The following VPS16 variants were observed in gnomAD, a reference collection of about 807,000 sequenced individuals.
The protein encoded by VPS16 is vacuolar protein sorting-associated protein 16 homolog.
Under a neutral mutation model 116.0 loss-of-function variants are expected in VPS16, and 82 were observed. The ratio of observed to expected loss-of-function variants is 0.71; its 90% confidence interval spans 0.59 to 0.85. The LOEUF (loss-of-function observed/expected upper bound fraction) is 0.85. Among genes scored for constraint, VPS16 ranks in the 40% least tolerant of loss-of-function variants. The pLI is 0.00. For synonymous variants in VPS16, 406 were observed against 420.7 expected (o/e 0.96, Z 0.43); for missense variants, 928 against 1,090.6 (o/e 0.85, Z 2.10).
intron 1 of VPS16, among the ~76,000 whole-genome samples, chr20:2,857,052 A>G (rs751290416): frequency 5.8e-4 from 88 of 150,716 alleles, no homozygotes; most frequent in Admixed American, 1.7e-3. Context: ...ATTTTGGCTC[A>G]CTGCAACCCC....
At position 2,866,457 on chromosome 20, in the gene VPS16, C is replaced by G; in HGVS notation, c.2403C>G (p.Ala801=). Residue 801 remains alanine (A), a synonymous_variant, in exon 24 of 24, where the codon GCC becomes GCG. Coordinates refer to ENST00000380445, the MANE Select transcript of VPS16 (RefSeq NM_022575.4). ...ATGTGGCTCAGGCTGCAGATGTGGC[C>G]ATCGAACACCGGAATGAGGCTGAGC... ...VGDVAQAADV[A]IEHRNEAELS... 6.2e-7 allele frequency: 1 copy of G among 1,614,186 alleles called. No individual in the cohort carries two copies.
chr20:2,842,634 C>A (rs1240428272), intron 1 of VPS16, among the ~76,000 whole-genome samples: 3 of 108,520 alleles, frequency 2.8e-5, no homozygotes, highest in African/African-American at 7.0e-5. Context: ...CTATATCTAT[C>A]TATAGATAGA....
Position 2,866,732 on chromosome 20 carries a change from A to G in VPS16, c.*158A>G, listed in dbSNP as rs1399366537. On this transcript the variant is annotated 3_prime_UTR_variant, in exon 24 of 24. Coordinates refer to ENST00000380445, the MANE Select transcript of VPS16 (RefSeq NM_022575.4). ...GTTTTAAATAAAGTTGGAACACTTC[A>G]CAGTGCTTGTCTTACACAGTCCAGC... is the stretch of plus-strand genomic sequence containing the variant. The G allele has an allele frequency of 9.8e-6, 11 of 1,118,630 alleles. No individual in the cohort carries two copies. Among genetic ancestry groups the G allele is most frequent in the Non-Finnish European group, 1.3e-5 (10 of 794,494 alleles). The allele number at this position is 1,118,630 out of a possible 1,614,324, so 69.3% of individuals were successfully genotyped here.
At chr20:2,853,369 A>G (rs1456042440) in intron 1 of VPS16, among the ~76,000 whole-genome samples, 1 of 150,566 alleles carries the variant, frequency 6.6e-6, no homozygotes, top group Non-Finnish European at 1.5e-5. Flanking sequence ...AGCCTGGGTG[A>G]CAGAGCAAGA....
In VPS16 at chr20:2,864,202, A is replaced by AG; in HGVS notation, c.1639dup (p.Glu547GlyfsTer26). The AG allele has an allele frequency of 6.2e-7, 1 of 1,614,170 alleles. No homozygotes were observed. The highest frequency in any genetic ancestry group is 8.5e-7 in the Non-Finnish European group (1 of 1,180,016). ...AGCTGCTGGAGTATGAGCCACGCTC[A>AG]GGGGAGCAGGTACCCCTTCTCCTAA... is the stretch of plus-strand genomic sequence containing the variant. On this transcript the variant is annotated frameshift_variant, in exon 17 of 24. Coordinates refer to ENST00000380445, the MANE Select transcript of VPS16 (RefSeq NM_022575.4). LOFTEE classifies it high-confidence loss of function. The surrounding 1 kb of genome is among the most constrained non-coding windows in gnomAD (Gnocchi z 5.2).
chr20:2,859,353 A>C (rs996413368), intron 1 of VPS16, among the ~76,000 whole-genome samples: 1 of 152,200 alleles, frequency 6.6e-6, no homozygotes, highest in Non-Finnish European at 1.5e-5. Flanking sequence ...TGAGAGTCTC[A>C]TTTCCTGCTA....
At position 2,860,687 on chromosome 20, in the gene VPS16, C is replaced by A; in HGVS notation, c.515-61C>A. On this transcript the variant is annotated intron_variant, in intron 5 of 23. Transcript: ENST00000380445. The surrounding 1 kb of genome is among the most constrained non-coding windows in gnomAD (Gnocchi z 6.1). ...AAAAACAGAAGCTGTGGCTAGAGAC[C>A]CATAGAAACAGAAACGGTGGGCCTT... is the stretch of plus-strand genomic sequence containing the variant. 4.3e-6 allele frequency: 7 copies of A among 1,611,302 alleles called. No individual in the cohort carries two copies. Among genetic ancestry groups the A allele is most frequent in the Non-Finnish European group, 5.9e-6 (7 of 1,178,752 alleles).
intron 1 of VPS16, among the ~76,000 whole-genome samples, chr20:2,856,954 A>G (rs570011419): frequency 2.7e-5 from 4 of 148,138 alleles, no homozygotes; most frequent in African/African-American, 1.0e-4. Context: ...TTTCCCCTAT[A>G]TGAACTTTTT....
rs137939847 is a variant in VPS16, at chr20:2,861,457, G to A, written c.810-158G>A. 3.2e-3 allele frequency among the ~76,000 whole-genome samples: 490 copies of A among 152,318 alleles called. 4 individuals are homozygous for A. The highest frequency in any genetic ancestry group is 0.011 in the African/African-American group (464 of 41,570). On this transcript the variant is annotated intron_variant, in intron 8 of 23. Transcript: ENST00000380445. The stretch of plus-strand genomic sequence containing the variant: ...GTCCTCTGTGGGCCACAGCTGCCTT[G>A]AGCTGAGAGCTCAGGGATAAGAGGG...
At position 2,859,776 on chromosome 20, in the gene VPS16, G is replaced by A. The variant is rs770973351; in HGVS notation, c.111G>A (p.Leu37=). 6.2e-7 allele frequency: 1 copy of A among 1,613,262 alleles called. No individual in the cohort carries two copies. Among genetic ancestry groups the A allele is most frequent in the South Asian group, 1.1e-5 (1 of 90,984 alleles). Residue 37 remains leucine, a synonymous_variant, in exon 2 of 24, where the codon CTG becomes CTA. Coordinates refer to ENST00000380445, the MANE Select transcript of VPS16 (RefSeq NM_022575.4). ...TGAAGGAGGAACTCAGGGATTGCCT[G>A]GTGGCTGCTGCACCCTATGGGGGCC... ...WDLKEELRDC[L]VAAAPYGGPI... is the part of the protein sequence containing the mutation.
At chr20:2,842,674 A>G (rs982255212) in intron 1 of VPS16, among the ~76,000 whole-genome samples, 1 of 139,086 alleles carries the variant, frequency 7.2e-6, no homozygotes, top group Non-Finnish European at 1.5e-5. Context: ...AGATGTATCT[A>G]TATATATATA....
chr20:2,853,285 A>C (rs907501877), intron 1 of VPS16, among the ~76,000 whole-genome samples: 1 of 152,080 alleles, frequency 6.6e-6, no homozygotes, highest in Admixed American at 6.6e-5. Flanking sequence ...CAGCTACAGG[A>C]AGCCTAGGCA....
rs375514759 is a variant in VPS16, at chr20:2,860,892, A to T, written c.630+29A>T. 23 of 1,613,896 alleles carry T rather than the reference A, an allele frequency of 1.4e-5. No individual in the cohort carries two copies. The highest frequency in any genetic ancestry group is 1.9e-5 in the Non-Finnish European group (23 of 1,180,040). On this transcript the variant is annotated intron_variant, in intron 6 of 23. Transcript: ENST00000380445. The surrounding 1 kb of genome is among the most constrained non-coding windows in gnomAD (Gnocchi z 6.1). Reference sequence around the variant, plus strand: ...AGGGCCCTGAGTGGGAATGAAGTGGACGGGCTGGGTTAGGCAATAGGGAGG... The same window carrying T: ...AGGGCCCTGAGTGGGAATGAAGTGGTCGGGCTGGGTTAGGCAATAGGGAGG...
Position 2,862,580 on chromosome 20 carries a change from A to G in VPS16, c.1073A>G (p.Lys358Arg). Residue 358 changes from lysine (K) to arginine (R), a missense_variant and splice_region_variant, in exon 12 of 24, where the codon AAA (lysine) becomes AGA (arginine). Transcript: ENST00000380445. ...TGGCTCTGGACTGCTCCCCACCAGAAAGAGAGCCAGAAGGCGGACGAGTAC... is the reference window on the plus strand; with the variant it reads ...TGGCTCTGGACTGCTCCCCACCAGAGAGAGAGCCAGAAGGCGGACGAGTAC... ...LLLEAQKEYE[K>R]ESQKADEYLR... 4 of 1,613,052 alleles carry G rather than the reference A, an allele frequency of 2.5e-6. No individual in the cohort carries two copies. The highest frequency in any genetic ancestry group is 2.5e-6 in the Non-Finnish European group (3 of 1,179,664).
Position 2,860,029 on chromosome 20 carries a change from CAGA to C in VPS16, c.143-22_143-20del. On this transcript the variant is annotated intron_variant, in intron 2 of 23. Coordinates refer to ENST00000380445, the MANE Select transcript of VPS16 (RefSeq NM_022575.4). This position sits in a 1 kb window ranked among gnomAD's most constrained non-coding sequence, Gnocchi z 6.1. ...ATGGGGTGGGCCTAGGGAGCTAGGA[CAGA>C]AGGTCTCTTCTCAAACTGCAGCACT... 1 of 1,613,550 alleles carries C rather than the reference CAGA, an allele frequency of 6.2e-7. No homozygotes were observed. The highest frequency in any genetic ancestry group is 2.2e-5 in the East Asian group (1 of 44,880).
chr20:2,862,920 G>A lies in VPS16; in HGVS notation c.1317G>A (p.Pro439=), dbSNP rs372092816. 1.1e-5 allele frequency: 18 copies of A among 1,613,952 alleles called. No homozygotes were observed. The African/African-American group carries it at 1.7e-4, about 16-fold the overall frequency. ...TTCGGGACTATCACATCGGGATCCC[G>A]CTCACCTATAGCCAGTATCCCTGTG... ...NAVRDYHIGI[P]LTYSQYKQLT... The change falls in exon 13 of 24, where the codon CCG becomes CCA. Residue 439 remains proline, a synonymous_variant. Coordinates refer to ENST00000380445, the MANE Select transcript of VPS16 (RefSeq NM_022575.4).
chr20:2,863,987 A>T lies in VPS16; in HGVS notation c.1515A>T (p.Arg505=), dbSNP rs765826608. The change falls in exon 16 of 24, where the codon CGA becomes CGT. Residue 505 remains arginine, a synonymous_variant. Transcript: ENST00000380445. The surrounding 1 kb of genome is among the most constrained non-coding windows in gnomAD (Gnocchi z 4.4). Reference sequence around the variant, plus strand: ...ATGTCTCAGATGAGGATGTGGCTCGAGCCATTAACCAGAAGCTGGGGGACA... The same window carrying T: ...ATGTCTCAGATGAGGATGTGGCTCGTGCCATTAACCAGAAGCTGGGGGACA... ...QKDVSDEDVA[R]AINQKLGDTP... 2.5e-6 allele frequency: 4 copies of T among 1,614,030 alleles called. No homozygotes were observed. Among genetic ancestry groups the T allele is most frequent in the Middle Eastern group, 1.7e-4 (1 of 6,060 alleles).
chr20:2,863,093 C>T lies in VPS16; in HGVS notation c.1360C>T (p.Leu454=), dbSNP rs1221236613. ...TAAGCAGCTCACCATCCAGGTGCTG[C>T]TGGACAGGTAGGGTAAGCCCAAGGG... is the stretch of plus-strand genomic sequence containing the variant. ...QYKQLTIQVL[L]DRLVLRRLYP... The change falls in exon 14 of 24, where the codon CTG becomes TTG. Residue 454 remains leucine, a synonymous_variant. Coordinates refer to ENST00000380445, the MANE Select transcript of VPS16 (RefSeq NM_022575.4). The surrounding 1 kb of genome is among the most constrained non-coding windows in gnomAD (Gnocchi z 4.4). The T allele has an allele frequency of 1.2e-6, 2 of 1,613,962 alleles. No homozygotes were observed. Among genetic ancestry groups the T allele is most frequent in the Non-Finnish European group, 1.7e-6 (2 of 1,180,006 alleles).
At chr20:2,854,889 G>A (rs1337244960) in intron 1 of VPS16, among the ~76,000 whole-genome samples, 1 of 134,666 alleles carries the variant, frequency 7.4e-6, no homozygotes, top group East Asian at 2.2e-4. Context: ...AAGGCATAAA[G>A]ACAACATTAA....
Sources: gnomAD v4.1 joint callset for allele counts (sites outside exome capture counted in the v4.1 genomes callset) on GRCh38, gnomAD v4.1.1 for gene constraint, Gnocchi (gnomAD v3.1) non-coding constraint, MANE v1.5 for transcripts, NCBI Gene and HGNC (gene_info 2026-07-23, HGNC 2026-07-21) for gene names.